Variants in VWA8 observed in about 807,000 individuals in gnomAD.
VWA8 encodes von Willebrand factor A domain containing 8.
VWA8 carries 221 observed loss-of-function variants against 241.5 expected under a neutral mutation model. The ratio of observed to expected loss-of-function variants is 0.91; its 90% confidence interval spans 0.82 to 1.02. The LOEUF is 1.02. VWA8 is among the 50% of genes least tolerant of loss of function. The pLI is 0.00. For synonymous variants in VWA8, 852 were observed against 827.1 expected, an observed-to-expected ratio of 1.03 and a Z score of -0.52; for missense variants, 2,322 against 2,328.7, an observed-to-expected ratio of 1.00 and a Z score of 0.06.
intron 42 of VWA8, among the ~76,000 whole-genome samples, chr13:41,578,929 T>A (rs1054341748): frequency 2.1e-4 from 32 of 152,328 alleles, no homozygotes; most frequent in African/African-American, 7.7e-4. Context: ...TTTTGCTATA[T>A]TTTCTTTTGG....
chr13:41,719,534 T>C (rs2045368652), intron 26 of VWA8, 57 bp downstream of exon 26: 9 of 1,604,728 alleles, frequency 5.6e-6, no homozygotes, highest in African/African-American at 2.7e-5. Flanking sequence ...TAGAATGGAA[T>C]GATAAATCAA....
chr13:41,844,986 C>A (rs935513266), intron 12 of VWA8, among the ~76,000 whole-genome samples: 8 of 152,060 alleles, frequency 5.3e-5, no homozygotes, highest in African/African-American at 1.9e-4. Context: ...AAGCAATTTA[C>A]AGATTCAATG....
intron 5 of VWA8, among the ~76,000 whole-genome samples, chr13:41,888,557 G>A (rs1033951185): frequency 3.9e-5 from 6 of 152,052 alleles, no homozygotes; most frequent in Non-Finnish European, 8.8e-5. Context: ...CTTTTCACTC[G>A]CACACCGTAA....
chr13:41,631,715 G>A (rs2044727950), intron 37 of VWA8, among the ~76,000 whole-genome samples: 1 of 152,236 alleles, frequency 6.6e-6, no homozygotes, highest in Admixed American at 6.5e-5. Flanking sequence ...GAATGATGAA[G>A]TCAAGAGGAT....
chr13:41,689,830 A>G (rs1410317301), intron 33 of VWA8, among the ~76,000 whole-genome samples: 1 of 152,050 alleles, frequency 6.6e-6, no homozygotes, highest in Non-Finnish European at 1.5e-5. Flanking sequence ...TTTCGTAAGT[A>G]CTATTCATCC....
chr13:41,698,393 A>C (rs186667952), intron 29 of VWA8, among the ~76,000 whole-genome samples: 6 of 152,144 alleles, frequency 3.9e-5, no homozygotes, highest in African/African-American at 1.4e-4. Context: ...ATTGAAGCAC[A>C]ATCTGTCTTC....
At chr13:41,742,410 G>C (rs2045575848) in intron 21 of VWA8, among the ~76,000 whole-genome samples, 1 of 152,138 alleles carries the variant, frequency 6.6e-6, no homozygotes, top group Non-Finnish European at 1.5e-5. Flanking sequence ...ACAGAGATGG[G>C]AATATGTAAT....
chr13:41,934,274 T>C (rs907053740), intron 2 of VWA8, among the ~76,000 whole-genome samples: 4 of 151,950 alleles, frequency 2.6e-5, no homozygotes, highest in Admixed American at 6.6e-5. Context: ...GAGATACTAC[T>C]ACATAACTAT....
chr13:41,881,754 C>T (rs1593841527), intron 9 of VWA8, among the ~76,000 whole-genome samples: 1 of 146,388 alleles, frequency 6.8e-6, no homozygotes, highest in East Asian at 2.1e-4. Flanking sequence ...CCCTCCTGGA[C>T]GGGGCGACTG....
At chr13:41,603,321 G>T (rs2044533535) in intron 40 of VWA8, among the ~76,000 whole-genome samples, 2 of 152,048 alleles carry the variant, frequency 1.3e-5, no homozygotes, top group South Asian at 4.1e-4. Context: ...TCTAACCAAG[G>T]CTTCATTTGT....
intron 20 of VWA8, among the ~76,000 whole-genome samples, chr13:41,768,263 C>T (rs1350536091): frequency 1.3e-5 from 2 of 152,186 alleles, no homozygotes; most frequent in South Asian, 2.1e-4. Flanking sequence ...AACAATTATG[C>T]TGTCATAGCA....
At chr13:41,905,777 T>C (rs2138105540) in intron 4 of VWA8, among the ~76,000 whole-genome samples, 1 of 152,224 alleles carries the variant, frequency 6.6e-6, no homozygotes, top group African/African-American at 2.4e-5. Flanking sequence ...GTAGTACTCT[T>C]AGTAAACCTG....
At chr13:41,900,352 T>TA (rs752346505) in intron 4 of VWA8, among the ~76,000 whole-genome samples, 16 of 152,204 alleles carry the variant, frequency 1.1e-4, no homozygotes, top group Admixed American at 1.3e-4. Flanking sequence ...TTAGACCATC[T>TA]ATAAGGAGCT....
chr13:41,692,153 C>G (rs1478221080), intron 30 of VWA8, among the ~76,000 whole-genome samples: 1 of 152,028 alleles, frequency 6.6e-6, no homozygotes, highest in African/African-American at 2.4e-5. Flanking sequence ...AAAGCCTCTT[C>G]AGAATAAATT....
In VWA8 at chr13:41,611,567, A is replaced by G; in HGVS notation, c.4877+9T>C. 1 of 1,613,758 alleles carries G rather than the reference A, an allele frequency of 6.2e-7. No individual in the cohort carries two copies. Among genetic ancestry groups the G allele is most frequent in the Non-Finnish European group, 8.5e-7 (1 of 1,179,766 alleles). On this transcript the variant is annotated intron_variant, in intron 39 of 44. Coordinates refer to ENST00000379310, the MANE Select transcript of VWA8 (RefSeq NM_015058.2). ...GTAGTGCTGGTCTAAATGTGATGGG[A>G]GCACTGACCTCTGCTGGAATGCTCT...
intron 37 of VWA8, among the ~76,000 whole-genome samples, chr13:41,639,975 C>CA (rs2044784873): frequency 6.6e-6 from 1 of 152,128 alleles, no homozygotes; most frequent in South Asian, 2.1e-4. Flanking sequence ...TTTCCAGAAA[C>CA]ATCAGCATAG....
At chr13:41,627,035 A>G (rs551436505) in intron 37 of VWA8, among the ~76,000 whole-genome samples, 2 of 152,350 alleles carry the variant, frequency 1.3e-5, no homozygotes, top group East Asian at 3.9e-4. Context: ...CAAAGATCTA[A>G]TATTCAGAAT....
At chr13:41,840,608 A>T (rs1398184524) in intron 12 of VWA8, among the ~76,000 whole-genome samples, 1 of 151,964 alleles carries the variant, frequency 6.6e-6, no homozygotes, top group Non-Finnish European at 1.5e-5. Context: ...AACTACAAAA[A>T]ATTTGCCAGA....
intron 12 of VWA8, among the ~76,000 whole-genome samples, chr13:41,864,963 C>G (rs955003287): frequency 7.3e-6 from 1 of 137,236 alleles, no homozygotes; most frequent in Non-Finnish European, 1.5e-5. Context: ...GCATTGCAGC[C>G]TGGGCAAAAG....
Sources: allele counts gnomAD v4.1 joint callset (sites outside exome capture counted in the v4.1 genomes callset), GRCh38; gene constraint gnomAD v4.1.1; transcripts MANE v1.5; gene names NCBI Gene and HGNC (gene_info 2026-07-23, HGNC 2026-07-21).